The following ATP11A variants were observed in gnomAD, a reference collection of about 807,000 sequenced individuals.
The protein encoded by ATP11A is ATPase phospholipid transporting 11A.
Under a neutral mutation model 154.4 loss-of-function variants are expected in ATP11A, and 81 were observed. That is an observed-to-expected ratio of 0.52 (90% CI 0.44 to 0.63). The LOEUF (loss-of-function observed/expected upper bound fraction) is 0.63. ATP11A is among the 30% of genes least tolerant of loss of function. The probability of loss-of-function intolerance (pLI) is 0.00; values close to 1 mark genes in which losing one functional copy is unlikely to be tolerated. For missense variants in ATP11A, 1,316 were observed against 1,474.3 expected (o/e 0.89, Z 1.76); for synonymous variants, 623 against 585.9 (o/e 1.06, Z -0.91).
At position 112,819,850 on chromosome 13, in the gene ATP11A, C is replaced by T. The variant is rs780808534; in HGVS notation, c.675-50C>T. 22 of 1,609,746 alleles carry T rather than the reference C, an allele frequency of 1.4e-5. 1 individual carries two copies. Among genetic ancestry groups the T allele is most frequent in the South Asian group, 8.8e-5 (8 of 90,896 alleles). On this transcript the variant is annotated intron_variant, in intron 7 of 29. Coordinates refer to ENST00000375645, the MANE Select transcript of ATP11A (RefSeq NM_015205.3). ...GCAGGTGGGCCAGGCGCGCGCTTCC[C>T]GGGGGCCGCTGGGCGCGTCCGGTCA...
chr13:112,784,587 T>G (rs2013762503), intron 1 of ATP11A, among the ~76,000 whole-genome samples: 1 of 151,254 alleles, frequency 6.6e-6, no homozygotes, highest in African/African-American at 2.4e-5. Flanking sequence ...GCAGTGGTGC[T>G]ATCTCGGTCA....
At chr13:112,802,241 G>A (rs559985938) in intron 2 of ATP11A, among the ~76,000 whole-genome samples, 56 of 152,232 alleles carry the variant, frequency 3.7e-4, no homozygotes, top group Admixed American at 3.7e-3. Context: ...AATTACTCAG[G>A]AGGCTGAGGC....
At chr13:112,849,256 A>AT (rs1308914582) in intron 17 of ATP11A, among the ~76,000 whole-genome samples, 1 of 152,028 alleles carries the variant, frequency 6.6e-6, no homozygotes, top group Non-Finnish European at 1.5e-5. Context: ...TGTTGAGCAT[A>AT]TTTGCATCTA....
chr13:112,707,359 G>T lies in ATP11A; in HGVS notation c.39+16904G>T, dbSNP rs1020216828. 1.1e-4 allele frequency among the ~76,000 whole-genome samples: 16 copies of T among 149,708 alleles called. No individual in the cohort carries two copies. In the South Asian group the frequency reaches 1.9e-3, roughly 18 times the overall value. ...GAACCCAGGAGACAGAGGTTGCAGT[G>T]AGCTAAGATCACACCATTGCACTCC... is the stretch of plus-strand genomic sequence containing the variant. On this transcript the variant is annotated intron_variant, in intron 1 of 29. Transcript: ENST00000375645.
At chr13:112,752,611 T>A (rs1006290788) in intron 1 of ATP11A, among the ~76,000 whole-genome samples, 2 of 152,202 alleles carry the variant, frequency 1.3e-5, no homozygotes, top group Non-Finnish European at 2.9e-5. Context: ...GTGAGAAAAT[T>A]AATGAGGAAT....
In ATP11A at chr13:112,883,348, T is replaced by G; in HGVS notation, c.*1482T>G. ...CTTAATGGTCCTTAAAGAAGACATT[T>G]CAGTGTGAGATTCAGACTTCAGACG... is the stretch of plus-strand genomic sequence containing the variant. On this transcript the variant is annotated 3_prime_UTR_variant, in exon 30 of 30. Coordinates refer to ENST00000375645, the MANE Select transcript of ATP11A (RefSeq NM_015205.3). 2.5e-6 allele frequency: 1 copy of G among 397,028 alleles called. No individual in the cohort carries two copies. Among genetic ancestry groups the G allele is most frequent in the Non-Finnish European group, 4.4e-6 (1 of 225,654 alleles). The allele number at this position is 397,028 out of a possible 1,614,324, so 24.6% of individuals were successfully genotyped here. A position where few individuals can be genotyped will look rare whatever the true frequency, so the allele number is the denominator to read the frequency against.
intron 1 of ATP11A, among the ~76,000 whole-genome samples, chr13:112,743,760 C>T (rs1220783738): frequency 6.6e-6 from 1 of 152,222 alleles, no homozygotes; most frequent in Non-Finnish European, 1.5e-5. Flanking sequence ...TTAAGGTAAC[C>T]TATACAGCTT....
intron 4 of ATP11A, among the ~76,000 whole-genome samples, chr13:112,808,826 A>G (rs552959538): frequency 1.3e-5 from 2 of 152,080 alleles, no homozygotes; most frequent in South Asian, 4.2e-4. Context: ...CTCCCCTGCT[A>G]TGTGCAGGGC....
chr13:112,862,939 G>A (rs1490964475), intron 25 of ATP11A, among the ~76,000 whole-genome samples: 1 of 146,876 alleles, frequency 6.8e-6, no homozygotes, highest in African/African-American at 2.6e-5. Context: ...ATTCAGTGCA[G>A]GCCACGCAGC....
chr13:112,859,113 C>CT lies in ATP11A; in HGVS notation c.2668-277dup. On this transcript the variant is annotated intron_variant, in intron 22 of 29. Transcript: ENST00000375645. This position sits in a 1 kb window ranked among gnomAD's most constrained non-coding sequence, Gnocchi z 4.3. Reference sequence around the variant, plus strand: ...TCCTTATTCACTGTGCAGTTCGATTCTTTCCCGTTTATACTGATACCTGCA... The same window carrying CT: ...TCCTTATTCACTGTGCAGTTCGATTCTTTTCCCGTTTATACTGATACCTGCA... 2.4e-6 allele frequency: 1 copy of CT among 419,096 alleles called. No homozygotes were observed. The highest frequency in any genetic ancestry group is 7.3e-4 in the Middle Eastern group (1 of 1,378). The allele number at this position is 419,096 out of a possible 1,614,324, so 26.0% of individuals were successfully genotyped here.
chr13:112,782,525 CAA>C (rs953227279), intron 1 of ATP11A, among the ~76,000 whole-genome samples: 3 of 152,230 alleles, frequency 2.0e-5, no homozygotes, highest in African/African-American at 7.2e-5. Context: ...TCTGTGAAAA[CAA>C]AGGAGCCAGG....
In ATP11A at chr13:112,824,454, A is replaced by G. The variant is rs371844988; in HGVS notation, c.872+29A>G. The G allele has an allele frequency of 1.1e-5, 18 of 1,601,710 alleles. No homozygotes were observed. In the African/African-American group the frequency reaches 2.1e-4, roughly 19 times the overall value. On this transcript the variant is annotated intron_variant, in intron 10 of 29. Transcript: ENST00000375645. ...AGGCTGGATGCGCGTGAGAACCTGC[A>G]ACTTAAAAGTGTCATTACCCACTGT... is the stretch of plus-strand genomic sequence containing the variant.
intron 1 of ATP11A, among the ~76,000 whole-genome samples, chr13:112,759,643 C>T (rs973347071): frequency 3.3e-5 from 5 of 152,188 alleles, no homozygotes; most frequent in African/African-American, 1.2e-4. Context: ...TACTCTTTAT[C>T]ATCTGCTTAC....
Position 112,854,288 on chromosome 13 carries a change from G to A in ATP11A, c.2001G>A (p.Glu667=). 4.3e-6 allele frequency: 7 copies of A among 1,614,116 alleles called. No individual in the cohort carries two copies. The highest frequency in any genetic ancestry group is 5.9e-6 in the Non-Finnish European group (7 of 1,180,030). Residue 667 remains glutamate, a synonymous_variant, in exon 19 of 30, where the codon GAG becomes GAA. Transcript: ENST00000375645. ...GATAVEDRLQ[E]KAADTIEALQ... ...GTTTTGCCTCCCTCAGGCTGCAGGA[G>A]AAAGCTGCAGACACCATCGAGGCCC...
intron 9 of ATP11A, 128 bp downstream of exon 9, chr13:112,823,537 G>A (rs976788398): frequency 1.9e-5 from 13 of 668,890 alleles, no homozygotes; most frequent in Middle Eastern, 2.5e-4. Context: ...TTCTGGCCGC[G>A]CAAGTTCTGC....
chr13:112,826,676 C>T lies in ATP11A; in HGVS notation c.1024-18C>T. On this transcript the variant is annotated intron_variant, in intron 11 of 29. Coordinates refer to ENST00000375645, the MANE Select transcript of ATP11A (RefSeq NM_015205.3). ...CCCTCCTGGTGGAGGTGCTGACCCG[C>T]ACCTTCTGCTCTTGCAGTTCCTCAA... 6.2e-7 allele frequency: 1 copy of T among 1,613,042 alleles called. No individual in the cohort carries two copies. The highest frequency in any genetic ancestry group is 8.5e-7 in the Non-Finnish European group (1 of 1,179,346).
chr13:112,757,458 A>G (rs753470891), intron 1 of ATP11A, among the ~76,000 whole-genome samples: 16 of 152,266 alleles, frequency 1.1e-4, no homozygotes, highest in Non-Finnish European at 8.8e-5. Flanking sequence ...TGCGAAAACT[A>G]CAAGGTCTAT....
chr13:112,788,298 G>T (rs1476663016), intron 2 of ATP11A, among the ~76,000 whole-genome samples: 1 of 147,346 alleles, frequency 6.8e-6, no homozygotes, highest in Non-Finnish European at 1.5e-5. Context: ...GTAGACCCCT[G>T]TGGAGACCTA....
rs1372260444 is a variant in ATP11A, at chr13:112,862,295, T to C, written c.2856-145T>C. 4 of 946,206 alleles carry C rather than the reference T, an allele frequency of 4.2e-6. No individual in the cohort carries two copies. In the Admixed American group the frequency reaches 1.1e-4, roughly 26 times the overall value. The allele number at this position is 946,206 out of a possible 1,614,324, so 58.6% of individuals were successfully genotyped here. ...GGTTGTGATGAACATGCCACATTTG[T>C]GGCCAGAGCACAAACTTGATGTTTA... On this transcript the variant is annotated intron_variant, in intron 24 of 29. Transcript: ENST00000375645.
Sources: allele counts gnomAD v4.1 joint callset (sites outside exome capture counted in the v4.1 genomes callset), GRCh38; gene constraint gnomAD v4.1.1; non-coding constraint Gnocchi (gnomAD v3.1); transcripts MANE v1.5; gene names NCBI Gene and HGNC (gene_info 2026-07-23, HGNC 2026-07-21).